The following SLC38A11 variants were observed in gnomAD, a reference collection of about 807,000 sequenced individuals.
SLC38A11 encodes solute carrier family 38 member 11.
In SLC38A11, 51 loss-of-function variants were observed where a neutral mutation model predicts 49.4. The ratio of observed to expected loss-of-function variants is 1.03; its 90% CI spans 0.83 to 1.30. The LOEUF (loss-of-function observed/expected upper bound fraction) is 1.30, where lower values mean the gene tolerates loss of function less well. SLC38A11 is among the 50% of genes most tolerant of loss of function. The probability of loss-of-function intolerance (pLI) is 0.00; values close to 1 mark genes in which losing one functional copy is unlikely to be tolerated. For synonymous variants in SLC38A11, 203 were observed against 192.9 expected (o/e 1.05, Z -0.43); for missense variants, 574 against 556.2 (o/e 1.03, Z -0.32).
chr2:164,932,732 C>G lies in SLC38A11; in HGVS notation c.617+4618G>C, dbSNP rs113357280. 2.5e-3 allele frequency among the ~76,000 whole-genome samples: 378 copies of G among 152,038 alleles called. 4 individuals are homozygous for G. Among genetic ancestry groups the G allele is most frequent in the African/African-American group, 7.5e-3 (310 of 41,506 alleles). On this transcript the variant is annotated intron_variant, in intron 7 of 11. Coordinates refer to ENST00000685975, the MANE Select transcript of SLC38A11 (RefSeq NM_001351537.2). ...GGGAACAACACACACTGGGACCTAT[C>G]AGAGGGTGGAAGTTGGGAGAAAGAA... is the stretch of plus-strand genomic sequence containing the variant.
At chr2:164,929,870 A>G (rs1686869903) in intron 7 of SLC38A11, among the ~76,000 whole-genome samples, 1 of 150,134 alleles carries the variant, frequency 6.7e-6, no homozygotes, top group African/African-American at 2.4e-5. Context: ...TAAAGAACCA[A>G]GAGAAAACCC....
intron 7 of SLC38A11, among the ~76,000 whole-genome samples, chr2:164,937,065 A>G (rs949837870): frequency 2.0e-5 from 3 of 152,138 alleles, no homozygotes; most frequent in African/African-American, 7.2e-5. Context: ...CCTCTTTTCA[A>G]CTATTCAAAA....
chr2:164,928,742 C>T (rs13017795), intron 7 of SLC38A11, among the ~76,000 whole-genome samples: 11,158 of 151,802 alleles, frequency 0.074, 443 homozygotes, highest in Admixed American at 0.1. Flanking sequence ...TCCTATTTAC[C>T]GCACTCTCAG....
intron 11 of SLC38A11, chr2:164,908,190 A>G (rs1400053516): frequency 6.6e-6 from 1 of 152,170 alleles, no homozygotes; most frequent in African/African-American, 2.4e-5. Flanking sequence ...TTCACTAGAT[A>G]TATTATTATT....
chr2:164,949,502 C>T (rs567696688), intron 3 of SLC38A11, among the ~76,000 whole-genome samples: 6 of 152,328 alleles, frequency 3.9e-5, no homozygotes, highest in African/African-American at 1.4e-4. Flanking sequence ...AAGTGATCCA[C>T]GTGCCTCGGC....
chr2:164,929,859 C>T (rs1686869199), intron 7 of SLC38A11, among the ~76,000 whole-genome samples: 1 of 150,984 alleles, frequency 6.6e-6, no homozygotes, highest in Admixed American at 6.6e-5. Context: ...AGTAAAAGAA[C>T]TAAAGAACCA....
At chr2:164,925,458 T>A (rs978234471) in intron 7 of SLC38A11, among the ~76,000 whole-genome samples, 1 of 152,094 alleles carries the variant, frequency 6.6e-6, no homozygotes, top group Non-Finnish European at 1.5e-5. Flanking sequence ...TGGATTGTGC[T>A]TCTCTTCACT....
intron 3 of SLC38A11, among the ~76,000 whole-genome samples, chr2:164,947,723 C>A (rs1272600613): frequency 6.6e-6 from 1 of 152,190 alleles, no homozygotes; most frequent in Non-Finnish European, 1.5e-5. Context: ...TTTCCCCAGA[C>A]TTATCTTATT....
intron 7 of SLC38A11, among the ~76,000 whole-genome samples, chr2:164,926,596 A>G (rs1263117890): frequency 6.6e-6 from 1 of 151,944 alleles, no homozygotes; most frequent in Non-Finnish European, 1.5e-5. Flanking sequence ...CACAATAGCA[A>G]AGACTTGGAA....
At chr2:164,918,002 G>A (rs1026980612) in intron 7 of SLC38A11, among the ~76,000 whole-genome samples, 1 of 151,486 alleles carries the variant, frequency 6.6e-6, no homozygotes, top group Non-Finnish European at 1.5e-5. Flanking sequence ...GGAAAGAGAA[G>A]GAAACAGATA....
At chr2:164,952,162 G>A (rs898088024) in intron 3 of SLC38A11, among the ~76,000 whole-genome samples, 3 of 152,200 alleles carry the variant, frequency 2.0e-5, no homozygotes, top group Non-Finnish European at 4.4e-5. Flanking sequence ...CTATTTACAT[G>A]AAGAAGGGGA....
intron 10 of SLC38A11, among the ~76,000 whole-genome samples, chr2:164,909,028 C>G (rs1685217337): frequency 6.6e-6 from 1 of 152,076 alleles, no homozygotes. Flanking sequence ...ACCGATGTTT[C>G]AATACATGTA....
intron 7 of SLC38A11, among the ~76,000 whole-genome samples, chr2:164,924,726 ATTAT>A (rs1686444964): frequency 6.6e-6 from 1 of 151,740 alleles, no homozygotes; most frequent in African/African-American, 2.4e-5. Flanking sequence ...AATTTTATTT[ATTAT>A]TTATTATTTA....
At chr2:164,935,506 C>CAAAA (rs35788781) in intron 7 of SLC38A11, among the ~76,000 whole-genome samples, 4 of 103,728 alleles carry the variant, frequency 3.9e-5, no homozygotes, top group Admixed American at 2.1e-4. Flanking sequence ...TCCATCTCTA[C>CAAAA]AAAAAAAAAA....
At chr2:164,949,746 G>A (rs777329169) in intron 3 of SLC38A11, among the ~76,000 whole-genome samples, 8 of 152,186 alleles carry the variant, frequency 5.3e-5, no homozygotes, top group Non-Finnish European at 1.2e-4. Flanking sequence ...ATGGGAAGAT[G>A]GTGTGAAAGC....
chr2:164,894,592 C>A lies in SLC38A11; in HGVS notation c.*3845G>T, dbSNP rs1347160436. On this transcript the variant is annotated 3_prime_UTR_variant, in exon 12 of 12. Coordinates refer to ENST00000685975, the MANE Select transcript of SLC38A11 (RefSeq NM_001351537.2). The stretch of plus-strand genomic sequence containing the variant: ...TTTTCTTCATTCTCACAATGGCAGC[C>A]ATGAAACTCAGGTAACCTTCCCTGA... 6.6e-6 allele frequency among the ~76,000 whole-genome samples: 1 copy of A among 152,094 alleles called. No individual in the cohort carries two copies. Among genetic ancestry groups the A allele is most frequent in the Non-Finnish European group, 1.5e-5 (1 of 68,018 alleles).
chr2:164,948,951 G>C (rs1229548684), intron 3 of SLC38A11, among the ~76,000 whole-genome samples: 1 of 141,690 alleles, frequency 7.1e-6, no homozygotes, highest in Non-Finnish European at 1.5e-5. Context: ...GAACATTCCT[G>C]CTCTTTTGAG....
intron 7 of SLC38A11, among the ~76,000 whole-genome samples, chr2:164,929,506 A>G (rs886518403): frequency 1.1e-4 from 17 of 152,114 alleles, no homozygotes; most frequent in Non-Finnish European, 2.2e-4. Flanking sequence ...TTCTCTTTCT[A>G]TGGACTTGAA....
chr2:164,947,147 T>C (rs1160111145), intron 3 of SLC38A11, among the ~76,000 whole-genome samples: 22 of 114,556 alleles, frequency 1.9e-4, no homozygotes, highest in African/African-American at 6.2e-4. Flanking sequence ...TTTTTTTTTT[T>C]TTGAGATAGA....
Sources: gnomAD v4.1 joint callset for allele counts (sites outside exome capture counted in the v4.1 genomes callset) on GRCh38, gnomAD v4.1.1 for gene constraint, MANE v1.5 for transcripts, NCBI Gene and HGNC (gene_info 2026-07-23, HGNC 2026-07-21) for gene names.